Variants in GLO1 observed in about 807,000 individuals in gnomAD.
GLO1 encodes glyoxalase I, also known as lactoylglutathione lyase.
GLO1 carries 28 observed loss-of-function variants against 26.0 expected under a neutral mutation model. The observed-to-expected ratio is 1.08, with a 90% CI of 0.80 to 1.48. The LOEUF is 1.48. GLO1 is among the 40% of genes most tolerant of loss of function. The probability of loss-of-function intolerance (pLI) is 0.00; values close to 1 mark genes in which losing one functional copy is unlikely to be tolerated. For missense variants in GLO1, 225 were observed against 224.8 expected (o/e 1.00, Z -0.01); for synonymous variants, 78 against 77.6 (o/e 1.00, Z -0.03).
At chr6:38,691,953 C>G (rs976156842) in intron 1 of GLO1, among the ~76,000 whole-genome samples, 5 of 152,138 alleles carry the variant, frequency 3.3e-5, no homozygotes, top group Non-Finnish European at 5.9e-5. Flanking sequence ...TCTGCCAATA[C>G]CACAGAGTAG....
At chr6:38,701,811 C>T (rs919972048) in intron 1 of GLO1, among the ~76,000 whole-genome samples, 4 of 151,800 alleles carry the variant, frequency 2.6e-5, no homozygotes, top group Non-Finnish European at 2.9e-5. Context: ...AAGGTCTGCA[C>T]GAAGCACATA....
At chr6:38,678,454 C>T (rs892098912) in intron 5 of GLO1, among the ~76,000 whole-genome samples, 28 of 151,090 alleles carry the variant, frequency 1.9e-4, no homozygotes, top group Non-Finnish European at 3.8e-4. Context: ...GAAAGAAACC[C>T]GGCTGGTGAC....
At position 38,684,458 on chromosome 6, in the gene GLO1, T is replaced by A. The variant is rs141160784; in HGVS notation, c.224A>T (p.Tyr75Phe). 3 of 1,572,870 alleles carry A rather than the reference T, an allele frequency of 1.9e-6. No homozygotes were observed. In the South Asian group the frequency reaches 3.5e-5, roughly 18 times the overall value. The change falls in exon 3 of 6, where the codon TAT becomes TTT. Residue 75 changes from tyrosine (Y) to phenylalanine (F), a missense_variant. Coordinates refer to ENST00000373365, the MANE Select transcript of GLO1 (RefSeq NM_006708.3). ...TTTAGGGATGTCATTTTTATCCTCA[T>A]AAGCCAAGAAGTAGAGTGAAAACTT... ...IMKFSLYFLA[Y>F]EDKNDIPKEK... is the part of the protein sequence containing the mutation.
At chr6:38,678,178 G>C (rs1761295846) in intron 5 of GLO1, among the ~76,000 whole-genome samples, 1 of 152,074 alleles carries the variant, frequency 6.6e-6, no homozygotes, top group Admixed American at 6.5e-5. Flanking sequence ...AGAGCTGTTT[G>C]CTTAAATGGA....
chr6:38,692,419 G>T (rs1317130292), intron 1 of GLO1, among the ~76,000 whole-genome samples: 1 of 152,124 alleles, frequency 6.6e-6, no homozygotes, highest in Admixed American at 6.5e-5. Flanking sequence ...ACTCATTTAT[G>T]AATTCTGGGA....
At chr6:38,702,880 TGCA>T in intron 1 of GLO1, 88 bp downstream of exon 1, 1 of 727,842 alleles carries the variant, frequency 1.4e-6, no homozygotes, top group Non-Finnish European at 2.4e-6. Context: ...CCGGCGGACC[TGCA>T]GCGGCGGCGG....
chr6:38,693,685 C>CTCTATATATATATA (rs869232489), intron 1 of GLO1, among the ~76,000 whole-genome samples: 61 of 86,420 alleles, frequency 7.1e-4, no homozygotes, highest in African/African-American at 2.3e-3. Flanking sequence ...CTCTCTCTCT[C>CTCTATATATATATA]TATATATATA....
intron 2 of GLO1, among the ~76,000 whole-genome samples, chr6:38,685,293 GA>G (rs1761447120): frequency 6.6e-6 from 1 of 152,166 alleles, no homozygotes; most frequent in Non-Finnish European, 1.5e-5. Context: ...TCTCTGAGGG[GA>G]AAGAGACAGT....
chr6:38,690,385 T>C (rs4711556), intron 1 of GLO1, among the ~76,000 whole-genome samples: 14,125 of 152,146 alleles, frequency 0.093, 1,563 homozygotes, highest in African/African-American at 0.24. Context: ...AACAAAGGAA[T>C]AGTTAGATAG....
At chr6:38,687,850 C>T (rs539041533) in intron 1 of GLO1, among the ~76,000 whole-genome samples, 1 of 151,970 alleles carries the variant, frequency 6.6e-6, no homozygotes, top group East Asian at 1.9e-4. Flanking sequence ...TGGTATGTAC[C>T]TTCCAGACCA....
intron 4 of GLO1, among the ~76,000 whole-genome samples, chr6:38,682,429 GA>G (rs1289875982): frequency 1.3e-5 from 2 of 152,154 alleles, no homozygotes; most frequent in African/African-American, 2.4e-5. Flanking sequence ...GGTTGGCATT[GA>G]CTATAGCAGC....
chr6:38,688,431 A>T (rs1290534782), intron 1 of GLO1, among the ~76,000 whole-genome samples: 1 of 151,900 alleles, frequency 6.6e-6, no homozygotes, highest in Non-Finnish European at 1.5e-5. Context: ...AAAAAAAAAA[A>T]TTTAAAGCAG....
chr6:38,679,364 C>A (rs1324512952), intron 5 of GLO1, among the ~76,000 whole-genome samples: 1 of 152,108 alleles, frequency 6.6e-6, no homozygotes, highest in Non-Finnish European at 1.5e-5. Flanking sequence ...ATGGCACAAT[C>A]ATAGCTCACT....
At chr6:38,695,396 C>G (rs1347007403) in intron 1 of GLO1, among the ~76,000 whole-genome samples, 1 of 152,070 alleles carries the variant, frequency 6.6e-6, no homozygotes, top group Non-Finnish European at 1.5e-5. Flanking sequence ...TATACACACA[C>G]ACACATAACT....
At chr6:38,699,334 C>T (rs1045325017) in intron 1 of GLO1, among the ~76,000 whole-genome samples, 1 of 152,110 alleles carries the variant, frequency 6.6e-6, no homozygotes, top group Non-Finnish European at 1.5e-5. Context: ...GGATGTACAT[C>T]ACCTCAGGAC....
intron 1 of GLO1, 154 bp from the exon 2 acceptor site, chr6:38,687,128 C>A: frequency 2.0e-6 from 2 of 983,660 alleles, no homozygotes; most frequent in Non-Finnish European, 2.4e-6. Flanking sequence ...TGGTTGCAGG[C>A]CCCTGTGTGA....
At chr6:38,680,792 G>T (rs570181660) in intron 5 of GLO1, among the ~76,000 whole-genome samples, 7 of 152,262 alleles carry the variant, frequency 4.6e-5, no homozygotes, top group Non-Finnish European at 1.0e-4. Flanking sequence ...TTAGGAGGAG[G>T]CTGAGGCAGA....
chr6:38,693,554 C>T (rs1189892502), intron 1 of GLO1, among the ~76,000 whole-genome samples: 10 of 151,810 alleles, frequency 6.6e-5, no homozygotes, highest in South Asian at 6.2e-4. Context: ...AGGAAGCTTA[C>T]GTTATTAATT....
At chr6:38,678,355 A>AG in intron 5 of GLO1, among the ~76,000 whole-genome samples, 1 of 151,908 alleles carries the variant, frequency 6.6e-6, no homozygotes, top group African/African-American at 2.4e-5. Context: ...AGAAAGAGAG[A>AG]AGGAAGGAAG....
Sources: gnomAD v4.1 joint callset for allele counts (sites outside exome capture counted in the v4.1 genomes callset) on GRCh38, gnomAD v4.1.1 for gene constraint, MANE v1.5 for transcripts, NCBI Gene and HGNC (gene_info 2026-07-23, HGNC 2026-07-21) for gene names.